VSTM2A: variants seen among roughly 807,000 people sequenced by gnomAD.
VSTM2A encodes V-set and transmembrane domain-containing protein 2A.
A neutral mutation model predicts 27.3 loss-of-function variants in VSTM2A; 13 were observed. That is an observed-to-expected ratio of 0.48 (90% CI 0.31 to 0.76). The LOEUF is 0.76. Ranked by LOEUF, VSTM2A falls within the 30% of genes least tolerant of loss-of-function variation. The pLI is 0.05. For synonymous variants in VSTM2A, 142 were observed against 125.7 expected (o/e 1.13, Z -0.87); for missense variants, 280 against 310.0 (o/e 0.90, Z 0.73).
In VSTM2A at chr7:54,569,167, CA is replaced by C; in HGVS notation, c.672del (p.Ala225GlnfsTer3). ...SKSPVKSTER[T>X]AKLTLNSKHH... ...TCGCCTGTAAAATCTACGGAGCGGA[CA>C]GCAAAGTTGACCCTAAACTCCAAGC... On this transcript the variant is annotated frameshift_variant, in exon 5 of 5. Transcript: ENST00000402613. LOFTEE classifies it high-confidence loss of function. The C allele has an allele frequency of 2.6e-6, 4 of 1,552,488 alleles. No homozygotes were observed. Among genetic ancestry groups the C allele is most frequent in the Non-Finnish European group, 3.5e-6 (4 of 1,147,250 alleles).
intron 4 of VSTM2A, chr7:54,552,467 C>T (rs1337666823): frequency 6.6e-6 from 1 of 152,164 alleles, no homozygotes; most frequent in African/African-American, 2.4e-5. Flanking sequence ...GTAATACCCA[C>T]ATCCTGATTT....
rs568397488 is a variant in VSTM2A at position 54,569,253 on chromosome 7, A to G, written c.*34A>G. On this transcript the variant is annotated 3_prime_UTR_variant, in exon 5 of 5. Coordinates refer to ENST00000402613, the MANE Select transcript of VSTM2A (RefSeq NM_001301009.2). ...ACAAGGAGCGCCTGCTTCCGGAAGC[A>G]TAAATGAAGAGGCTATCACATGCTT... The G allele has an allele frequency of 9.5e-5, 147 of 1,551,374 alleles. No homozygotes were observed. In the Middle Eastern group the frequency reaches 1.5e-3, roughly 16 times the overall value.
chr7:54,554,548 T>C (rs915925955), intron 4 of VSTM2A, among the ~76,000 whole-genome samples: 3 of 152,224 alleles, frequency 2.0e-5, no homozygotes, highest in African/African-American at 7.2e-5. Flanking sequence ...CATTGAAGCC[T>C]ATTTTCCTTC....
chr7:54,559,306 T>C (rs184017454), intron 4 of VSTM2A: 2 of 152,210 alleles, frequency 1.3e-5, no homozygotes, highest in African/African-American at 2.4e-5. Flanking sequence ...AAACACTTCA[T>C]TGAGAGAGTT....
At chr7:54,546,906 C>T in intron 2 of VSTM2A, 41 bp from the exon 3 acceptor site, 3 of 1,593,738 alleles carry the variant, frequency 1.9e-6, no homozygotes, top group Admixed American at 1.7e-5. Context: ...GGTGGTCGGG[C>T]GGGCCTGGCG....
Position 54,544,727 on chromosome 7 carries a change from A to G in VSTM2A, c.185A>G (p.Gln62Arg), listed in dbSNP as rs1584041487. The change falls in exon 2 of 5, where the codon CAA becomes CGA. Residue 62 changes from glutamine (Q) to arginine (R), a missense_variant. Transcript: ENST00000402613. ...TCCGCCTCGGTGTATCTGGAGATCC[A>G]ATGGTGGTTCCTGCGGGGGCCGGAG... is the stretch of plus-strand genomic sequence containing the variant. ...SGSASVYLEI[Q>R]WWFLRGPEDL... The G allele has an allele frequency of 6.2e-7, 1 of 1,612,504 alleles. No individual in the cohort carries two copies. Among genetic ancestry groups the G allele is most frequent in the Non-Finnish European group, 8.5e-7 (1 of 1,179,800 alleles).
intron 4 of VSTM2A, among the ~76,000 whole-genome samples, chr7:54,554,617 G>C (rs138562538): frequency 0.014 from 2,174 of 152,326 alleles, 57 homozygotes; most frequent in African/African-American, 0.05. Flanking sequence ...GAAGTGAGCT[G>C]TGCCAATTCT....
At chr7:54,555,365 T>G (rs1788321853) in intron 4 of VSTM2A, among the ~76,000 whole-genome samples, 1 of 152,252 alleles carries the variant, frequency 6.6e-6, no homozygotes, top group Non-Finnish European at 1.5e-5. Context: ...GCCTTGTTTC[T>G]TCTGAGTTCC....
intron 4 of VSTM2A, among the ~76,000 whole-genome samples, chr7:54,564,610 G>A (rs1788664118): frequency 6.6e-6 from 1 of 152,078 alleles, no homozygotes; most frequent in Non-Finnish European, 1.5e-5. Flanking sequence ...ATCCTCTTCT[G>A]GGATCTTTCC....
chr7:54,566,236 A>G (rs1297534281), intron 4 of VSTM2A, among the ~76,000 whole-genome samples: 3 of 152,106 alleles, frequency 2.0e-5, no homozygotes, highest in Non-Finnish European at 4.4e-5. Flanking sequence ...CTGCCTGTAA[A>G]TTTTCTTCAC....
At chr7:54,562,432 A>G (rs1788591495) in intron 4 of VSTM2A, among the ~76,000 whole-genome samples, 1 of 151,986 alleles carries the variant, frequency 6.6e-6, no homozygotes, top group South Asian at 2.1e-4. Flanking sequence ...CTCTGACAGT[A>G]TTGGTGATGG....
At chr7:54,549,746 T>C (rs1158655526) in intron 3 of VSTM2A, 88 bp from the exon 4 acceptor site, 1 of 1,289,344 alleles carries the variant, frequency 7.8e-7, no homozygotes, top group African/African-American at 1.5e-5. Flanking sequence ...ACCCTTTAAC[T>C]TTCCAATATT....
chr7:54,544,647 C>T lies in VSTM2A; in HGVS notation c.105C>T (p.Asn35=). 5.0e-6 allele frequency: 8 copies of T among 1,612,992 alleles called. No homozygotes were observed. The highest frequency in any genetic ancestry group is 6.8e-6 in the Non-Finnish European group (8 of 1,179,868). Reference sequence around the variant, plus strand: ...CAAAATTTACCGAGTTTCCGCGGAACGTGACGGCGACCGAGGGGCAGAATG... The same window carrying T: ...CAAAATTTACCGAGTTTCCGCGGAATGTGACGGCGACCGAGGGGCAGAATG... ...SQAKFTEFPR[N]VTATEGQNVE... Residue 35 remains asparagine, a synonymous_variant, in exon 2 of 5, where the codon AAC becomes AAT. Transcript: ENST00000402613.
chr7:54,563,663 C>A (rs1239022025), intron 4 of VSTM2A, among the ~76,000 whole-genome samples: 2 of 152,266 alleles, frequency 1.3e-5, no homozygotes, highest in South Asian at 4.1e-4. Context: ...GCACCCTGTC[C>A]TGTAGACCTG....
At chr7:54,560,337 G>A (rs1430274791) in intron 4 of VSTM2A, among the ~76,000 whole-genome samples, 2 of 151,664 alleles carry the variant, frequency 1.3e-5, no homozygotes. Flanking sequence ...CTGGAGGCTG[G>A]GTGGAGAACA....
chr7:54,556,871 C>T lies in VSTM2A; in HGVS notation c.634+6701C>T, dbSNP rs562412939. ...CCATTCATAACTGGCCACATGAAGG[C>T]TTGCTTGTGACTACTAGTTCCTCTG... On this transcript the variant is annotated intron_variant, in intron 4 of 4. Transcript: ENST00000402613. The T allele has an allele frequency of 1.2e-4, 19 of 152,294 alleles. No homozygotes were observed. In the South Asian group the frequency reaches 3.7e-3, roughly 30 times the overall value. 9.4% of individuals were successfully genotyped at this position (152,294 alleles called of 1,614,324 possible). A position where few individuals can be genotyped will look rare whatever the true frequency, so the allele number is the denominator to read the frequency against.
intron 4 of VSTM2A, among the ~76,000 whole-genome samples, chr7:54,553,285 C>G (rs1446552734): frequency 6.6e-6 from 1 of 152,186 alleles, no homozygotes; most frequent in East Asian, 1.9e-4. Flanking sequence ...ATTCTACCTC[C>G]ATTTAGTAAT....
chr7:54,544,457 G>C (rs944893549), intron 1 of VSTM2A, among the ~76,000 whole-genome samples, 165 bp from the exon 2 acceptor site: 1 of 152,184 alleles, frequency 6.6e-6, no homozygotes, highest in African/African-American at 2.4e-5. Flanking sequence ...AGTTAGACAG[G>C]AAAGAGGCAA....
At chr7:54,567,008 G>A (rs1788745615) in intron 4 of VSTM2A, among the ~76,000 whole-genome samples, 2 of 152,056 alleles carry the variant, frequency 1.3e-5, no homozygotes, top group African/African-American at 4.8e-5. Flanking sequence ...AAATTACACA[G>A]GACAAATTAT....
Sources: allele counts gnomAD v4.1 joint callset (sites outside exome capture counted in the v4.1 genomes callset), GRCh38; gene constraint gnomAD v4.1.1; transcripts MANE v1.5; gene names NCBI Gene and HGNC (gene_info 2026-07-23, HGNC 2026-07-21).